Variants in API5 observed in about 807,000 individuals in gnomAD.
API5 encodes apoptosis inhibitor 5.
Under a neutral mutation model 71.9 loss-of-function variants are expected in API5, and 6 were observed. The ratio of observed to expected loss-of-function variants is 0.08; its 90% CI spans 0.05 to 0.16. The LOEUF is 0.16. Among genes scored for constraint, API5 ranks in the 10% least tolerant of loss-of-function variants. API5 has a pLI of 1.00. For synonymous variants in API5, 189 were observed against 221.3 expected, an observed-to-expected ratio of 0.85 and a Z score of 1.30; for missense variants, 332 against 612.8, an observed-to-expected ratio of 0.54 and a Z score of 4.84.
chr11:43,342,087 G>C (rs576845390), intron 13 of API5, among the ~76,000 whole-genome samples: 1 of 152,208 alleles, frequency 6.6e-6, no homozygotes, highest in East Asian at 1.9e-4. Context: ...CAATGTTATG[G>C]TGAACTGTGA....
intron 2 of API5, 38 bp downstream of exon 2, chr11:43,318,839 A>C: frequency 6.3e-7 from 1 of 1,574,872 alleles, no homozygotes; most frequent in East Asian, 2.2e-5. Context: ...AATCTTTCAG[A>C]TGTTTCTGTA....
intron 6 of API5, among the ~76,000 whole-genome samples, 197 bp from the exon 7 acceptor site, chr11:43,326,310 T>G (rs1855071067): frequency 2.6e-5 from 4 of 152,158 alleles, no homozygotes; most frequent in Admixed American, 1.3e-4. Context: ...ATTCCATTTT[T>G]CCATGAACTT....
In API5 at chr11:43,339,059, T is replaced by C. The variant is rs577836074; in HGVS notation, c.1492+3065T>C. Among the ~76,000 whole-genome samples, 4 of 152,288 alleles carry C rather than the reference T, an allele frequency of 2.6e-5. No individual in the cohort carries two copies. The South Asian group carries it at 8.3e-4, about 32-fold the overall frequency. On this transcript the variant is annotated intron_variant, in intron 13 of 13. Transcript: ENST00000531273. ...TTTCTGAATGTGTTCACTAGGATAA[T>C]AAACACAATGATTTCATTTTCAAAT... is the stretch of plus-strand genomic sequence containing the variant.
intron 6 of API5, 125 bp from the exon 7 acceptor site, chr11:43,326,382 T>C (rs1855074075): frequency 3.2e-6 from 2 of 629,720 alleles, no homozygotes; most frequent in South Asian, 2.0e-5. Context: ...GGGTGTGCAC[T>C]ATATCGTATT....
chr11:43,314,442 G>T (rs1336017730), intron 1 of API5, among the ~76,000 whole-genome samples: 2 of 152,156 alleles, frequency 1.3e-5, no homozygotes, highest in African/African-American at 2.4e-5. Flanking sequence ...TCCCCAAGGG[G>T]TCAAAATGTC....
intron 12 of API5, among the ~76,000 whole-genome samples, 153 bp downstream of exon 12, chr11:43,335,507 A>G (rs5743254): frequency 1.8e-3 from 270 of 152,238 alleles, no homozygotes; most frequent in African/African-American, 4.9e-3. Context: ...TCTAATTTCA[A>G]TATTTGTAAA....
intron 13 of API5, among the ~76,000 whole-genome samples, chr11:43,338,817 G>C (rs1288827228): frequency 6.6e-6 from 1 of 152,116 alleles, no homozygotes; most frequent in African/African-American, 2.4e-5. Flanking sequence ...TTAGCTTAAA[G>C]CTAATAATAG....
At chr11:43,328,290 A>G (rs968505747) in intron 8 of API5, among the ~76,000 whole-genome samples, 6 of 152,240 alleles carry the variant, frequency 3.9e-5, no homozygotes, top group African/African-American at 9.6e-5. Flanking sequence ...TACTTAAACA[A>G]TATGGACTTA....
At chr11:43,327,650 AG>A (rs1855117940) in intron 7 of API5, 138 bp from the exon 8 acceptor site, 1 of 599,458 alleles carries the variant, frequency 1.7e-6, no homozygotes, top group African/African-American at 1.9e-5. Context: ...TCTATCTCTA[AG>A]GTTTTCTTCC....
chr11:43,328,072 G>GA (rs1399452059), intron 8 of API5, among the ~76,000 whole-genome samples, 194 bp downstream of exon 8: 1 of 152,096 alleles, frequency 6.6e-6, no homozygotes, highest in Non-Finnish European at 1.5e-5. Flanking sequence ...TAATTAGGGA[G>GA]AAAATAGGCC....
intron 1 of API5, among the ~76,000 whole-genome samples, chr11:43,317,237 G>T (rs1854703537): frequency 6.6e-6 from 1 of 152,108 alleles, no homozygotes; most frequent in Admixed American, 6.5e-5. Context: ...ATATATATGT[G>T]TAGTCTTTCT....
At chr11:43,340,261 A>G (rs942970258) in intron 13 of API5, 53 of 332,592 alleles carry the variant, frequency 1.6e-4, no homozygotes, top group African/African-American at 1.1e-3. Context: ...ACTACAAAAC[A>G]CTGATGAAAG....
At chr11:43,331,393 T>C (rs545298780) in intron 11 of API5, 48 of 153,184 alleles carry the variant, frequency 3.1e-4, no homozygotes, top group African/African-American at 1.1e-3. Flanking sequence ...TAGCCTGCTG[T>C]GGACAAGAAG....
intron 3 of API5, 60 bp downstream of exon 3, chr11:43,320,974 C>A: frequency 7.0e-7 from 1 of 1,438,332 alleles, no homozygotes; most frequent in Non-Finnish European, 9.7e-7. Context: ...GAAATGTTGA[C>A]TCTGTTTTTA....
At chr11:43,337,000 T>C (rs1365608169) in intron 13 of API5, among the ~76,000 whole-genome samples, 1 of 100,622 alleles carries the variant, frequency 9.9e-6, no homozygotes, top group African/African-American at 4.1e-5. Context: ...AGAGCAAGAC[T>C]CCGTCTCAAA....
chr11:43,330,638 A>ATTTTT, intron 11 of API5, 74 bp downstream of exon 11: 1 of 1,208,896 alleles, frequency 8.3e-7, no homozygotes, highest in Admixed American at 2.0e-5. Context: ...AAAGTTTTGC[A>ATTTTT]TAAGATACTT....
chr11:43,323,362 T>G (rs1354106901), intron 5 of API5, 68 bp from the exon 6 acceptor site: 1 of 1,336,746 alleles, frequency 7.5e-7, no homozygotes, highest in African/African-American at 1.5e-5. Context: ...TTAGCTATTC[T>G]CTTTCAGTGT....
At chr11:43,312,282 G>T (rs1313298542) in intron 1 of API5, 86 bp downstream of exon 1, 2 of 1,444,968 alleles carry the variant, frequency 1.4e-6, no homozygotes, top group East Asian at 2.4e-5. Context: ...CGGGCCGAGC[G>T]GGGGCTGCGG....
intron 2 of API5, among the ~76,000 whole-genome samples, chr11:43,320,171 A>C (rs1164168727): frequency 6.7e-6 from 1 of 149,724 alleles, no homozygotes; most frequent in Admixed American, 6.7e-5. Flanking sequence ...TTAGCCTCCC[A>C]AGTAGCTGGG....
Sources: gnomAD v4.1 joint callset for allele counts (sites outside exome capture counted in the v4.1 genomes callset) on GRCh38, gnomAD v4.1.1 for gene constraint, MANE v1.5 for transcripts, NCBI Gene and HGNC (gene_info 2026-07-23, HGNC 2026-07-21) for gene names.